TMC4: variants seen among roughly 807,000 people sequenced by gnomAD.
TMC4 encodes voltage-gated chloride channel TMC4.
In TMC4, 70 loss-of-function variants were observed where a neutral mutation model predicts 82.0. That is an observed-to-expected ratio of 0.85 (90% CI 0.70 to 1.04). The LOEUF is 1.04. Ranked by LOEUF, TMC4 falls within the 50% of genes least tolerant of loss-of-function variation. The probability of loss-of-function intolerance (pLI) is 0.00; values close to 1 mark genes in which losing one functional copy is unlikely to be tolerated. For synonymous variants in TMC4, 446 were observed against 406.0 expected, an observed-to-expected ratio of 1.10 and a Z score of -1.18; for missense variants, 879 against 899.0, an observed-to-expected ratio of 0.98 and a Z score of 0.28.
intron 8 of TMC4, 120 bp from the exon 9 acceptor site, chr19:54,163,279 A>T: frequency 8.4e-7 from 1 of 1,184,028 alleles, no homozygotes; most frequent in Non-Finnish European, 1.2e-6. Context: ...GCCCAGTGAC[A>T]GAATCAGGAT....
chr19:54,171,744 G>A (rs892263126), intron 2 of TMC4, 126 bp downstream of exon 2: 3 of 802,776 alleles, frequency 3.7e-6, no homozygotes, highest in Non-Finnish European at 5.6e-6. Flanking sequence ...AGGCAGCTCT[G>A]AGCGGGGCAG....
intron 2 of TMC4, 96 bp downstream of exon 2, chr19:54,171,774 G>C (rs528539250): frequency 4.3e-6 from 5 of 1,164,778 alleles, no homozygotes; most frequent in African/African-American, 3.2e-5. Flanking sequence ...CCAGAAGCCA[G>C]GAGCGGCAGA....
intron 2 of TMC4, among the ~76,000 whole-genome samples, chr19:54,170,946 G>A (rs2075866145): frequency 6.6e-6 from 1 of 151,786 alleles, no homozygotes; most frequent in South Asian, 2.1e-4. Flanking sequence ...TGGGGGTCTC[G>A]CTATGTTACT....
chr19:54,164,176 T>C (rs1381113826), intron 7 of TMC4, among the ~76,000 whole-genome samples: 1 of 151,868 alleles, frequency 6.6e-6, no homozygotes, highest in Non-Finnish European at 1.5e-5. Context: ...TTTTTCACCA[T>C]GTTGGTCAGG....
chr19:54,163,710 C>T lies in TMC4; in HGVS notation c.1277+14G>A, dbSNP rs760680221. On this transcript the variant is annotated intron_variant, in intron 8 of 14. Coordinates refer to ENST00000619895, the MANE Select transcript of TMC4 (RefSeq NM_144686.4). ...ACCCTTCATCATTCCCAGCCATCCC[C>T]GTGAGGCTGGAACCTGAGCAGGATA... 26 of 1,613,902 alleles carry T rather than the reference C, an allele frequency of 1.6e-5. No individual in the cohort carries two copies. The highest frequency in any genetic ancestry group is 6.7e-5 in the African/African-American group (5 of 74,976).
At chr19:54,167,529 A>C (rs2146897704) in intron 5 of TMC4, among the ~76,000 whole-genome samples, 1 of 151,792 alleles carries the variant, frequency 6.6e-6, no homozygotes, top group East Asian at 2.0e-4. Context: ...ATTGCACTCC[A>C]GCCTGGGCGA....
chr19:54,163,519 G>A (rs2075622323), intron 8 of TMC4: 3 of 645,562 alleles, frequency 4.6e-6, no homozygotes, highest in East Asian at 2.8e-5. Context: ...TGTTTGTCAG[G>A]CTGGTCTCGA....
chr19:54,165,700 C>A, intron 5 of TMC4, 134 bp from the exon 6 acceptor site: 1 of 1,004,168 alleles, frequency 1.0e-6, no homozygotes, highest in East Asian at 2.6e-5. Flanking sequence ...TCCCACCAGA[C>A]CAGATGGGGA....
At chr19:54,164,185 G>A (rs1290155052) in intron 7 of TMC4, among the ~76,000 whole-genome samples, 11 of 151,790 alleles carry the variant, frequency 7.2e-5, no homozygotes, top group Admixed American at 7.2e-4. Context: ...ATGTTGGTCA[G>A]GCTGGTCTGG....
At chr19:54,167,066 C>T (rs2075723158) in intron 5 of TMC4, among the ~76,000 whole-genome samples, 1 of 152,082 alleles carries the variant, frequency 6.6e-6, no homozygotes, top group South Asian at 2.1e-4. Flanking sequence ...TGAGCGCAGC[C>T]TGGGCAACAT....
At chr19:54,167,680 C>T in intron 5 of TMC4, among the ~76,000 whole-genome samples, 1 of 150,308 alleles carries the variant, frequency 6.7e-6, no homozygotes, top group African/African-American at 2.4e-5. Context: ...GCAAACTCGG[C>T]TCACTGCAAG....
rs2075658896 is a variant in TMC4 at position 54,164,753 on chromosome 19, T to TCCGCGGC, written c.946-153_946-152insGCCGCGG. 410 of 977,292 alleles carry TCCGCGGC rather than the reference T, an allele frequency of 4.2e-4. 1 individual carries two copies. In the African/African-American group the frequency reaches 5.1e-3, roughly 12 times the overall value. 60.5% of individuals were successfully genotyped at this position (977,292 alleles called of 1,614,324 possible). A position where few individuals can be genotyped will look rare whatever the true frequency, so the allele number is the denominator to read the frequency against. ...CAACCTCTGCAGTCCTGGTTCCACC[T>TCCGCGGC]GCTCCAGGAAACCAGCGGCCCTTTA... On this transcript the variant is annotated intron_variant, in intron 6 of 14. Coordinates refer to ENST00000619895, the MANE Select transcript of TMC4 (RefSeq NM_144686.4).
At chr19:54,162,389 T>TGGGGGGGGG (rs779701144) in intron 10 of TMC4, 104 bp from the exon 11 acceptor site, 6 of 255,570 alleles carry the variant, frequency 2.3e-5, no homozygotes, top group African/African-American at 7.0e-5. Flanking sequence ...GTATTGGTGG[T>TGGGGGGGGG]GGGGGGGGGG....
At chr19:54,163,991 T>G in intron 7 of TMC4, 104 bp from the exon 8 acceptor site, 1 of 1,259,700 alleles carries the variant, frequency 7.9e-7, no homozygotes, top group South Asian at 1.5e-5. Flanking sequence ...TTTTTTTTTT[T>G]TGAGACAGAG....
At position 54,162,227 on chromosome 19, in the gene TMC4, G is replaced by A. The variant is rs1278978990; in HGVS notation, c.1561C>T (p.Gln521Ter). The A allele has an allele frequency of 6.2e-7, 1 of 1,612,128 alleles. No homozygotes were observed. Among genetic ancestry groups the A allele is most frequent in the Middle Eastern group, 1.7e-4 (1 of 6,054 alleles). ...LGRLAGTQEF[Q>*]VPDEVLGLIY... is the part of the protein sequence containing the mutation. ...AGCCCCAGCACCTCGTCGGGCACCT[G>A]GAACTCTTGGGTCCCCGCCAGACGA... Residue 521 changes from glutamine (Q) to a stop codon, truncating the protein, a stop_gained, in exon 11 of 15, where the codon CAG becomes TAG. Transcript: ENST00000619895. LOFTEE classifies it high-confidence loss of function.
intron 11 of TMC4, 48 bp downstream of exon 11, chr19:54,162,054 G>A (rs1348706239): frequency 2.0e-6 from 3 of 1,518,880 alleles, no homozygotes; most frequent in Admixed American, 2.2e-5. Context: ...AGGAGTGCGG[G>A]CCCCAATACC....
intron 5 of TMC4, 146 bp from the exon 6 acceptor site, chr19:54,165,712 A>G: frequency 1.1e-6 from 1 of 925,704 alleles, no homozygotes; most frequent in Non-Finnish European, 1.6e-6. Context: ...AGATGGGGAA[A>G]GAGTCAAAGA....
intron 5 of TMC4, among the ~76,000 whole-genome samples, chr19:54,167,193 G>T (rs1210302103): frequency 1.3e-5 from 2 of 152,082 alleles, no homozygotes; most frequent in South Asian, 2.1e-4. Context: ...AGTTCCGGAG[G>T]CCCAGGCTTC....
chr19:54,169,515 C>T lies in TMC4; in HGVS notation c.439G>A (p.Gly147Arg), dbSNP rs920641700. The part of the protein sequence containing the change: ...QPWAWTLKRI[G>R]GQFGAGTESY... ...CACCACCCAAACCCCACCGCACCCC[C>T]GATCCTCTTCAGTGTCCACGCCCAG... The change falls in exon 3 of 15, where the codon GGG becomes AGG. Residue 147 changes from glycine (G) to arginine (R), a missense_variant. By Grantham distance (125) the Gly-to-Arg change is moderately radical (BLOSUM62 -2). Transcript: ENST00000619895. The T allele has an allele frequency of 1.2e-6, 2 of 1,612,152 alleles. No homozygotes were observed. Among genetic ancestry groups the T allele is most frequent in the African/African-American group, 1.3e-5 (1 of 74,870 alleles).
Sources: gnomAD v4.1 joint callset for allele counts (sites outside exome capture counted in the v4.1 genomes callset) on GRCh38, gnomAD v4.1.1 for gene constraint, MANE v1.5 for transcripts, NCBI Gene and HGNC (gene_info 2026-07-23, HGNC 2026-07-21) for gene names.